The following MAGI1 variants were observed in gnomAD, a reference collection of about 807,000 sequenced individuals.
MAGI1 encodes membrane-associated guanylate kinase, WW and PDZ domain-containing protein 1.
Under a neutral mutation model 139.9 loss-of-function variants are expected in MAGI1, and 58 were observed. The observed-to-expected ratio is 0.41, with a 90% CI of 0.34 to 0.52. The LOEUF is 0.52. Ranked by LOEUF, MAGI1 falls within the 20% of genes least tolerant of loss-of-function variation. MAGI1 has a pLI of 0.12. For synonymous variants in MAGI1, 812 were observed against 737.9 expected, an observed-to-expected ratio of 1.10 and a Z score of -1.63; for missense variants, 1,874 against 1,901.6, an observed-to-expected ratio of 0.99 and a Z score of 0.27.
intron 1 of MAGI1, among the ~76,000 whole-genome samples, chr3:65,843,558 TAC>T (rs2108352179): frequency 6.6e-6 from 1 of 152,316 alleles, no homozygotes; most frequent in Admixed American, 6.5e-5. Flanking sequence ...CCTTCCCAGC[TAC>T]AGACTTCCAC....
intron 1 of MAGI1, chr3:65,720,119 G>A (rs1289929412): frequency 6.6e-6 from 1 of 152,108 alleles, no homozygotes; most frequent in Non-Finnish European, 1.5e-5. Flanking sequence ...ATTTCCTGCT[G>A]TATTCCCAGT....
chr3:65,469,940 A>G (rs1950451486), intron 5 of MAGI1: 1 of 147,890 alleles, frequency 6.8e-6, no homozygotes, highest in South Asian at 2.1e-4. Context: ...ATTTATAAAT[A>G]TATTTAAATA....
At chr3:66,000,670 C>T (rs1361729895) in intron 1 of MAGI1, among the ~76,000 whole-genome samples, 2 of 152,252 alleles carry the variant, frequency 1.3e-5, no homozygotes. Flanking sequence ...GAGAGCTCTG[C>T]TCAGCCCCCA....
chr3:65,473,008 G>A (rs1247565887), intron 4 of MAGI1, among the ~76,000 whole-genome samples: 1 of 152,166 alleles, frequency 6.6e-6, no homozygotes, highest in Non-Finnish European at 1.5e-5. Context: ...ACTTAACCTT[G>A]TGTGCCTTCA....
At chr3:65,891,251 A>G (rs991460923) in intron 1 of MAGI1, among the ~76,000 whole-genome samples, 3 of 152,088 alleles carry the variant, frequency 2.0e-5, no homozygotes, top group African/African-American at 7.2e-5. Flanking sequence ...ACCAATAACA[A>G]GAAGAAAAAA....
At position 65,651,803 on chromosome 3, in the gene MAGI1, A is replaced by G. The variant is rs1442309033; in HGVS notation, c.314-29715T>C. Among the ~76,000 whole-genome samples, 3 of 152,134 alleles carry G rather than the reference A, an allele frequency of 2.0e-5. No homozygotes were observed. The East Asian group carries it at 5.8e-4, about 29-fold the overall frequency. On this transcript the variant is annotated intron_variant, in intron 1 of 22. Transcript: ENST00000402939. ...ATTCACCTCCAAAGTTAATTTTTCT[A>G]ATGATTTGGCCTATAAGTCAACCTT...
intron 1 of MAGI1, among the ~76,000 whole-genome samples, chr3:65,659,986 CA>C (rs1406395755): frequency 1.3e-5 from 2 of 152,180 alleles, no homozygotes; most frequent in Non-Finnish European, 2.9e-5. Flanking sequence ...ACACAAATTA[CA>C]AGTTGGCCAC....
At chr3:65,842,438 A>G (rs1457968691) in intron 1 of MAGI1, among the ~76,000 whole-genome samples, 1 of 150,410 alleles carries the variant, frequency 6.6e-6, no homozygotes, top group East Asian at 2.0e-4. Context: ...TCGACTCACC[A>G]CAACCTCCGC....
At chr3:65,703,307 G>T (rs115510240) in intron 1 of MAGI1, among the ~76,000 whole-genome samples, 25 of 152,268 alleles carry the variant, frequency 1.6e-4, no homozygotes, top group African/African-American at 6.0e-4. Context: ...TGTAAGTGAG[G>T]ACCCATGACT....
intron 12 of MAGI1, among the ~76,000 whole-genome samples, chr3:65,411,078 C>T (rs1945758365): frequency 6.6e-6 from 1 of 152,156 alleles, no homozygotes; most frequent in Non-Finnish European, 1.5e-5. Flanking sequence ...CAAGATGTAC[C>T]TACCACGAGG....
intron 1 of MAGI1, among the ~76,000 whole-genome samples, chr3:65,654,348 C>G (rs12636781): frequency 6.6e-6 from 1 of 152,128 alleles, no homozygotes; most frequent in East Asian, 1.9e-4. Context: ...ATATACAAAA[C>G]TGAGGGCGTA....
chr3:65,754,558 C>T (rs2107840184), intron 1 of MAGI1, among the ~76,000 whole-genome samples: 1 of 152,258 alleles, frequency 6.6e-6, no homozygotes, highest in East Asian at 1.9e-4. Context: ...GTTGAGCCTG[C>T]CTTTTTATCA....
intron 1 of MAGI1, among the ~76,000 whole-genome samples, chr3:65,934,445 T>C (rs542943595): frequency 8.5e-5 from 13 of 152,276 alleles, no homozygotes; most frequent in Admixed American, 2.6e-4. Context: ...GGGGAAAATC[T>C]TTCTCTGTTC....
At chr3:65,987,486 G>A (rs928813955) in intron 1 of MAGI1, among the ~76,000 whole-genome samples, 7 of 152,190 alleles carry the variant, frequency 4.6e-5, no homozygotes, top group Non-Finnish European at 1.0e-4. Flanking sequence ...GAACTAGGGT[G>A]AGGCAGGCGA....
At chr3:65,528,303 T>C (rs936747272) in intron 2 of MAGI1, among the ~76,000 whole-genome samples, 2 of 152,232 alleles carry the variant, frequency 1.3e-5, no homozygotes, top group Non-Finnish European at 2.9e-5. Flanking sequence ...TAAGCGTTTC[T>C]CAAAACTAAG....
intron 1 of MAGI1, among the ~76,000 whole-genome samples, chr3:66,028,209 G>C (rs1016983452): frequency 6.6e-6 from 1 of 152,190 alleles, no homozygotes; most frequent in African/African-American, 2.4e-5. Flanking sequence ...GGCTGAGGTA[G>C]GAGGATCGCT....
chr3:65,595,441 G>C (rs2082145506), intron 2 of MAGI1, among the ~76,000 whole-genome samples: 1 of 152,198 alleles, frequency 6.6e-6, no homozygotes, highest in Non-Finnish European at 1.5e-5. Context: ...AGGGTTGGTA[G>C]TTCCAGTGGA....
In MAGI1 at chr3:65,578,950, A is replaced by G. The variant is rs192199802; in HGVS notation, c.430+43022T>C. On this transcript the variant is annotated intron_variant, in intron 2 of 22. Transcript: ENST00000402939. ...GAGAGAGAGAGAGAGAGAGAGACAGAGAGAGAGAGAGAGAACGAACAGATA... is the reference window on the plus strand; with the variant it reads ...GAGAGAGAGAGAGAGAGAGAGACAGGGAGAGAGAGAGAGAACGAACAGATA... Among the ~76,000 whole-genome samples the G allele has an allele frequency of 2.8e-3, 418 of 150,614 alleles. 1 individual carries two copies. The highest frequency in any genetic ancestry group is 8.0e-3 in the South Asian group (38 of 4,732).
intron 1 of MAGI1, among the ~76,000 whole-genome samples, chr3:65,774,806 C>A (rs907626099): frequency 6.6e-5 from 10 of 152,154 alleles, no homozygotes; most frequent in Non-Finnish European, 1.5e-4. Context: ...CTGTGCCTAA[C>A]AAGGGGTTCT....
Sources: allele counts gnomAD v4.1 joint callset (sites outside exome capture counted in the v4.1 genomes callset), GRCh38; gene constraint gnomAD v4.1.1; transcripts MANE v1.5; gene names NCBI Gene and HGNC (gene_info 2026-07-23, HGNC 2026-07-21).